Variants in TUBB6 observed in about 807,000 individuals in gnomAD.
TUBB6 encodes tubulin beta 6 class V, also known as tubulin beta-6 chain.
A neutral mutation model predicts 32.3 loss-of-function variants in TUBB6; 18 were observed. That is an observed-to-expected ratio of 0.56 (90% confidence interval 0.39 to 0.83). The LOEUF (loss-of-function observed/expected upper bound fraction) is 0.83, where lower values mean the gene tolerates loss of function less well. Among genes scored for constraint, TUBB6 ranks in the 40% least tolerant of loss-of-function variants. The pLI, the probability that TUBB6 is intolerant of heterozygous loss-of-function variation, is 0.00. For synonymous variants in TUBB6, 280 were observed against 265.8 expected (o/e 1.05, Z -0.52); for missense variants, 480 against 632.0 (o/e 0.76, Z 2.58).
intron 3 of TUBB6, chr18:12,324,786 C>T (rs1907182342): frequency 2.3e-6 from 3 of 1,299,260 alleles, no homozygotes; most frequent in African/African-American, 1.5e-5. Flanking sequence ...CTTTTGTTCC[C>T]TTTGAATTCT....
At chr18:12,312,957 C>T (rs1462538406) in intron 3 of TUBB6, among the ~76,000 whole-genome samples, 1 of 133,602 alleles carries the variant, frequency 7.5e-6, no homozygotes, top group Non-Finnish European at 1.5e-5. Context: ...CAAGATCGCA[C>T]CATTGCACTC....
At chr18:12,311,318 C>T (rs769731572) in intron 3 of TUBB6, among the ~76,000 whole-genome samples, 1 of 152,104 alleles carries the variant, frequency 6.6e-6, no homozygotes, top group Non-Finnish European at 1.5e-5. Flanking sequence ...AAAAATCAAG[C>T]CAGGCGCGGT....
intron 1 of TUBB6, 46 bp downstream of exon 1, chr18:12,308,395 CG>C: frequency 7.7e-7 from 1 of 1,302,394 alleles, no homozygotes; most frequent in South Asian, 2.2e-5. Flanking sequence ...CGGCTGCTGG[CG>C]GGCCCCGGGT....
At chr18:12,310,880 G>C in intron 2 of TUBB6, 63 bp from the exon 3 acceptor site, 1 of 1,175,534 alleles carries the variant, frequency 8.5e-7, no homozygotes. Flanking sequence ...GACTTGAAAC[G>C]GGGAAGTCAA....
At position 12,326,296 on chromosome 18, in the gene TUBB6, T is replaced by C; in HGVS notation, c.*166T>C. 1 of 1,061,256 alleles carries C rather than the reference T, an allele frequency of 9.4e-7. No individual in the cohort carries two copies. Among genetic ancestry groups the C allele is most frequent in the Non-Finnish European group, 1.3e-6 (1 of 761,936 alleles). 65.7% of individuals were successfully genotyped at this position (1,061,256 alleles called of 1,614,324 possible). On this transcript the variant is annotated 3_prime_UTR_variant, in exon 4 of 4. Coordinates refer to ENST00000317702, the MANE Select transcript of TUBB6 (RefSeq NM_032525.3). ...GTAATTAGTCATCTGGAACAAAGAC[T>C]AAAAACAGCAGAGAATTGCGGGTTC...
downstream of TUBB6, chr18:12,329,754 T>C: frequency 1.9e-6 from 3 of 1,614,200 alleles, no homozygotes; most frequent in Non-Finnish European, 2.5e-6. Context: ...TCTTATCTAA[T>C]ACTTCTTTTT....
chr18:12,325,012 T>TG (rs764951608), intron 3 of TUBB6, 55 bp from the exon 4 acceptor site: 1 of 1,524,664 alleles, frequency 6.6e-7, no homozygotes, highest in South Asian at 1.3e-5. Flanking sequence ...TGACCAAGCA[T>TG]GGTGATGGCG....
At chr18:12,313,194 A>G (rs1055943391) in intron 3 of TUBB6, among the ~76,000 whole-genome samples, 3 of 152,172 alleles carry the variant, frequency 2.0e-5, no homozygotes, top group African/African-American at 7.2e-5. Context: ...ACAGATGTCC[A>G]TTGTCTCTAC....
chr18:12,323,395 A>G (rs950823604), intron 3 of TUBB6, among the ~76,000 whole-genome samples: 2 of 152,386 alleles, frequency 1.3e-5, no homozygotes, highest in Middle Eastern at 6.8e-3. Flanking sequence ...TCTGCTAGTG[A>G]AATAATCCAT....
downstream of TUBB6, chr18:12,329,817 A>G (rs780120452): frequency 7.7e-6 from 12 of 1,557,974 alleles, no homozygotes; most frequent in Admixed American, 1.0e-4. Flanking sequence ...AAATACAGTT[A>G]CTCAGCAAAG....
chr18:12,329,103 C>A, downstream of TUBB6: 1 of 702,258 alleles, frequency 1.4e-6, no homozygotes, highest in South Asian at 1.5e-5. Flanking sequence ...AATATTAAGT[C>A]AAATTAAAAT....
intron 3 of TUBB6, among the ~76,000 whole-genome samples, chr18:12,320,335 C>A (rs1304520260): frequency 6.6e-6 from 1 of 152,118 alleles, no homozygotes; most frequent in African/African-American, 2.4e-5. Context: ...TCTCTTAGGA[C>A]CCCATCCTTC....
At chr18:12,329,128 T>TC, downstream of TUBB6, 1 of 702,884 alleles carries the variant, frequency 1.4e-6, no homozygotes, top group Non-Finnish European at 2.6e-6. Context: ...TTATCAAGAC[T>TC]CCAATTTAAT....
chr18:12,307,849 T>A (rs915893243), upstream of TUBB6: 1 of 152,256 alleles, frequency 6.6e-6, no homozygotes, highest in Non-Finnish European at 1.5e-5. Flanking sequence ...CCCAGGGCAG[T>A]GTCCCGGCTT....
In TUBB6 at chr18:12,326,124, T is replaced by C. The variant is rs1907312134; in HGVS notation, c.1335T>C (p.Asp445=). The change falls in exon 4 of 4, where the codon GAT becomes GAC. Residue 445 remains aspartate, a synonymous_variant. Transcript: ENST00000317702. ...EAFEDEEEEI[D]G Reference sequence around the variant, plus strand: ...TTGAGGATGAGGAAGAGGAGATCGATGGATAGTCGGAATAGAGCCGCCCCA... The same window carrying C: ...TTGAGGATGAGGAAGAGGAGATCGACGGATAGTCGGAATAGAGCCGCCCCA... The C allele has an allele frequency of 1.2e-6, 2 of 1,611,362 alleles. No homozygotes were observed. The highest frequency in any genetic ancestry group is 1.7e-6 in the Non-Finnish European group (2 of 1,178,510).
At chr18:12,320,229 A>AAAT (rs912392757) in intron 3 of TUBB6, among the ~76,000 whole-genome samples, 18 of 149,724 alleles carry the variant, frequency 1.2e-4, no homozygotes, top group African/African-American at 4.4e-4. Context: ...CCCATTTCTA[A>AAAT]AATAATAATA....
Position 12,325,288 on chromosome 18 carries a change from T to G in TUBB6, c.499T>G (p.Phe167Val). The G allele has an allele frequency of 6.2e-7, 1 of 1,614,168 alleles. No individual in the cohort carries two copies. The highest frequency in any genetic ancestry group is 1.1e-5 in the South Asian group (1 of 91,082). Residue 167 changes from phenylalanine to valine, a missense_variant, in exon 4 of 4, where the codon TTC becomes GTC. Coordinates refer to ENST00000317702, the MANE Select transcript of TUBB6 (RefSeq NM_032525.3). ...EEFPDRIMNT[F>V]SVMPSPKVSD... ...GTTCCCGGACCGCATCATGAACACC[T>G]TCAGCGTCATGCCCTCGCCCAAGGT...
At chr18:12,324,257 C>CT (rs1402519350) in intron 3 of TUBB6, among the ~76,000 whole-genome samples, 1 of 151,934 alleles carries the variant, frequency 6.6e-6, no homozygotes, top group South Asian at 2.1e-4. Flanking sequence ...GTAGTCCCGG[C>CT]TACACGGGAG....
chr18:12,318,319 C>T (rs1324413231), intron 3 of TUBB6, among the ~76,000 whole-genome samples: 1 of 150,908 alleles, frequency 6.6e-6, no homozygotes, highest in Non-Finnish European at 1.5e-5. Flanking sequence ...ACCATTTTCT[C>T]GCCTACTAAG....
Sources: allele counts gnomAD v4.1 joint callset (sites outside exome capture counted in the v4.1 genomes callset), GRCh38; gene constraint gnomAD v4.1.1; transcripts MANE v1.5; gene names NCBI Gene and HGNC (gene_info 2026-07-23, HGNC 2026-07-21).